Variants in IFT140 observed in about 807,000 individuals in gnomAD.
IFT140 encodes intraflagellar transport protein 140 homolog.
In IFT140, 133 loss-of-function variants were observed where a neutral mutation model predicts 164.6. The ratio of observed to expected loss-of-function variants is 0.81; its 90% confidence interval spans 0.70 to 0.93. The LOEUF is 0.93. Among genes scored for constraint, IFT140 ranks in the 40% least tolerant of loss-of-function variants. IFT140 has a pLI of 0.00. For missense variants in IFT140, 2,045 were observed against 1,972.3 expected (o/e 1.04, Z -0.70); for synonymous variants, 860 against 817.3 (o/e 1.05, Z -0.89).
At chr16:1,603,440 G>T (rs1205640945) in intron 3 of IFT140, among the ~76,000 whole-genome samples, 1 of 151,980 alleles carries the variant, frequency 6.6e-6, no homozygotes, top group African/African-American at 2.4e-5. Flanking sequence ...TGTGTGATGT[G>T]GTGATGTCAC....
At chr16:1,528,709 C>G (rs1455595830) in intron 19 of IFT140, 1 of 153,216 alleles carries the variant, frequency 6.5e-6, no homozygotes, top group Non-Finnish European at 1.5e-5. Flanking sequence ...AGGGCAGCAG[C>G]CCTGCAGCCT....
intron 4 of IFT140, among the ~76,000 whole-genome samples, chr16:1,598,251 G>A (rs552255409): frequency 6.6e-6 from 1 of 152,220 alleles, no homozygotes; most frequent in Non-Finnish European, 1.5e-5. Flanking sequence ...GAGGTCAGGA[G>A]ATCAAGACCA....
intron 13 of IFT140, among the ~76,000 whole-genome samples, 158 bp from the exon 14 acceptor site, chr16:1,571,692 G>A (rs1473590122): frequency 6.6e-6 from 1 of 152,214 alleles, no homozygotes; most frequent in African/African-American, 2.4e-5. Context: ...CTCGCTCAGT[G>A]TTTACTGACG....
chr16:1,569,802 G>A (rs1455854526), intron 14 of IFT140, among the ~76,000 whole-genome samples: 1 of 151,218 alleles, frequency 6.6e-6, no homozygotes, highest in Admixed American at 6.6e-5. Flanking sequence ...TGCCCAGGCT[G>A]GTCTTGAACT....
rs369689339 is a variant in IFT140 at position 1,541,661 on chromosome 16, G to A, written c.2400-14865C>T. 265 of 317,150 alleles carry A rather than the reference G, an allele frequency of 8.4e-4. 4 individuals are homozygous for A. In the South Asian group the frequency reaches 0.024, roughly 28 times the overall value. The allele number at this position is 317,150 out of a possible 1,614,324, so 19.6% of individuals were successfully genotyped here. ...AGACAGAAATAGCAGAGTAGGGCCC[G>A]TCCCTGCAGGGATACGACCACTGCA... On this transcript the variant is annotated intron_variant, in intron 19 of 30. Coordinates refer to ENST00000426508, the MANE Select transcript of IFT140 (RefSeq NM_014714.4).
chr16:1,530,133 C>CTTTTTTTTTTTTTTTTTTTTTTT lies in IFT140; in HGVS notation c.2400-3360_2400-3338dup, dbSNP rs922819138. On this transcript the variant is annotated intron_variant, in intron 19 of 30. Coordinates refer to ENST00000426508, the MANE Select transcript of IFT140 (RefSeq NM_014714.4). ...TCCCAAAAGACTTCACGACGGGAAT[C>CTTTTTTTTTTTTTTTTTTTTTTT]TTTTTTTTTTTTTTTTTTTTTTTTG... Among the ~76,000 whole-genome samples the CTTTTTTTTTTTTTTTTTTTTTTT allele has an allele frequency of 4.9e-4, 43 of 88,586 alleles. 3 individuals carry two copies. The highest frequency in any genetic ancestry group is 1.4e-3 in the African/African-American group (26 of 18,456). The allele number at this position is 88,586 out of a possible 152,430, so 58.1% of individuals were successfully genotyped here.
At chr16:1,544,650 C>CT (rs559942970) in intron 19 of IFT140, among the ~76,000 whole-genome samples, 3 of 151,200 alleles carry the variant, frequency 2.0e-5, no homozygotes, top group South Asian at 2.1e-4. Flanking sequence ...ATTTCTTTTT[C>CT]TTTTTTTTCT....
chr16:1,511,368 C>T (rs1488513434), intron 30 of IFT140, among the ~76,000 whole-genome samples: 1 of 152,204 alleles, frequency 6.6e-6, no homozygotes, highest in Admixed American at 6.5e-5. Context: ...TGTGGACACT[C>T]AACAGGAAGC....
intron 17 of IFT140, among the ~76,000 whole-genome samples, chr16:1,563,614 G>A (rs532932316): frequency 1.3e-5 from 2 of 152,106 alleles, no homozygotes; most frequent in African/African-American, 4.8e-5. Context: ...ACACACCGTG[G>A]CTTTTCTGCA....
chr16:1,534,597 G>C, intron 19 of IFT140: 1 of 1,595,476 alleles, frequency 6.3e-7, no homozygotes. Context: ...CGTGGCCGAG[G>C]CTCGAGGGCA....
chr16:1,599,642 AG>A (rs2035673382), intron 4 of IFT140, among the ~76,000 whole-genome samples: 1 of 42,884 alleles, frequency 2.3e-5, no homozygotes, highest in African/African-American at 1.5e-4. Context: ...CCCGTCCGGG[AG>A]GGAGGTGGGG....
At chr16:1,535,443 G>A (rs777033213) in intron 19 of IFT140, among the ~76,000 whole-genome samples, 4 of 152,134 alleles carry the variant, frequency 2.6e-5, no homozygotes, top group South Asian at 2.1e-4. Flanking sequence ...GTTTTGACTC[G>A]CAGACACCCC....
At chr16:1,554,771 C>T in intron 19 of IFT140, 1 of 1,613,740 alleles carries the variant, frequency 6.2e-7, no homozygotes, top group Non-Finnish European at 8.5e-7. Flanking sequence ...CAACCCTTCT[C>T]TCATCTGCAG....
chr16:1,582,842 G>A (rs2034647381), intron 12 of IFT140, among the ~76,000 whole-genome samples: 1 of 152,262 alleles, frequency 6.6e-6, no homozygotes, highest in Admixed American at 6.5e-5. Context: ...GGCGGAGGGT[G>A]CAGTGAGGTG....
At chr16:1,576,750 A>G (rs563382755) in intron 13 of IFT140, 4 of 152,328 alleles carry the variant, frequency 2.6e-5, no homozygotes, top group African/African-American at 4.8e-5. Context: ...AGCCACGTCC[A>G]TAAAGTATAC....
intron 19 of IFT140, among the ~76,000 whole-genome samples, chr16:1,529,507 C>T (rs1371613984): frequency 1.3e-5 from 2 of 152,240 alleles, no homozygotes; most frequent in Admixed American, 6.5e-5. Flanking sequence ...CCAGGCGCAG[C>T]GTCCTGATCT....
Position 1,523,536 on chromosome 16 carries a change from C to T in IFT140, c.3435G>A (p.Leu1145=), listed in dbSNP as rs1410642476. 1 of 1,612,032 alleles carries T rather than the reference C, an allele frequency of 6.2e-7. No homozygotes were observed. Among genetic ancestry groups the T allele is most frequent in the Non-Finnish European group, 8.5e-7 (1 of 1,179,736 alleles). The part of the protein sequence containing the change: ...EHSQYERAVE[L]LLAARKYQEA... ...CCCGTACCTTCCTGGCAGCCAGCAG[C>T]AGCTCTACCGCCCTCTCGTACTGAC... is the stretch of plus-strand genomic sequence containing the variant. The change falls in exon 26 of 31, where the codon CTG becomes CTA. Residue 1145 remains leucine (L), a synonymous_variant. Coordinates refer to ENST00000426508, the MANE Select transcript of IFT140 (RefSeq NM_014714.4).
chr16:1,606,208 T>A (rs150054748), intron 3 of IFT140, among the ~76,000 whole-genome samples: 2 of 152,324 alleles, frequency 1.3e-5, no homozygotes, highest in East Asian at 3.9e-4. Flanking sequence ...ATGATTAGAG[T>A]TCCAAATGGC....
intron 13 of IFT140, chr16:1,578,067 A>G (rs1312418583): frequency 6.6e-6 from 1 of 152,126 alleles, no homozygotes; most frequent in Non-Finnish European, 1.5e-5. Flanking sequence ...GGCTGCAGGA[A>G]AACATGTGGT....
Sources: allele counts gnomAD v4.1 joint callset (sites outside exome capture counted in the v4.1 genomes callset), GRCh38; gene constraint gnomAD v4.1.1; transcripts MANE v1.5; gene names NCBI Gene and HGNC (gene_info 2026-07-23, HGNC 2026-07-21).